FHIT: variants seen among roughly 807,000 people sequenced by gnomAD.
FHIT encodes the protein fragile histidine triad diadenosine triphosphatase, also known as bis(5'-adenosyl)-triphosphatase.
Under a neutral mutation model 17.9 loss-of-function variants are expected in FHIT, and 19 were observed. The ratio of observed to expected loss-of-function variants is 1.06; its 90% CI spans 0.74 to 1.56. FHIT has a LOEUF of 1.56. Among genes scored for constraint, FHIT ranks in the 40% most tolerant of loss-of-function variants. The probability of loss-of-function intolerance (pLI) is 0.00; values close to 1 mark genes in which losing one functional copy is unlikely to be tolerated. For synonymous variants in FHIT, 81 were observed against 69.7 expected, an observed-to-expected ratio of 1.16 and a Z score of -0.81; for missense variants, 248 against 189.2, an observed-to-expected ratio of 1.31 and a Z score of -1.82.
chr3:60,843,779 C>T (rs1161724739), intron 3 of FHIT, among the ~76,000 whole-genome samples: 1 of 152,124 alleles, frequency 6.6e-6, no homozygotes, highest in African/African-American at 2.4e-5. Flanking sequence ...ACGAGCACAC[C>T]ATGATAAGCA....
At chr3:61,088,675 C>T (rs565600006) in intron 2 of FHIT, among the ~76,000 whole-genome samples, 1 of 152,212 alleles carries the variant, frequency 6.6e-6, no homozygotes, top group Admixed American at 6.5e-5. Flanking sequence ...AGAAAATTTT[C>T]ATATTATGCA....
chr3:59,808,975 C>T (rs1700310130), intron 8 of FHIT, among the ~76,000 whole-genome samples: 1 of 152,104 alleles, frequency 6.6e-6, no homozygotes, highest in South Asian at 2.1e-4. Context: ...CCCACGGTGA[C>T]TGAAGTATCA....
rs866473538 is a variant in FHIT at position 61,106,862 on chromosome 3, T to A, written c.-163-64763A>T. ...TTTTAGTAGAGATAGGGTTTCATCA[T>A]ATCGGACAGGCTGGTCTCAAACTCC... is the stretch of plus-strand genomic sequence containing the variant. On this transcript the variant is annotated intron_variant, in intron 2 of 9. Coordinates refer to ENST00000492590, the MANE Select transcript of FHIT (RefSeq NM_002012.4). Among the ~76,000 whole-genome samples the A allele has an allele frequency of 2.6e-5, 4 of 152,256 alleles. No homozygotes were observed. The Middle Eastern group carries it at 0.01, about 388-fold the overall frequency.
intron 5 of FHIT, among the ~76,000 whole-genome samples, chr3:60,061,321 G>C (rs1374282788): frequency 2.6e-5 from 4 of 152,224 alleles, no homozygotes; most frequent in African/African-American, 9.6e-5. Context: ...CTCCAACCTT[G>C]AGTCCACAAC....
chr3:60,030,123 T>C (rs930703209), intron 5 of FHIT, among the ~76,000 whole-genome samples: 3 of 152,162 alleles, frequency 2.0e-5, no homozygotes, highest in African/African-American at 7.2e-5. Context: ...AATGCATCAT[T>C]AAACCTGGCT....
In FHIT at chr3:60,363,765, C is replaced by CT. The variant is rs562952467; in HGVS notation, c.103+173094_103+173095insA. ...AACAAGCTTCCCTGGCCCCCCTGGC[C>CT]CCCCTGGCTTCAGTGAGTTTGTGTG... On this transcript the variant is annotated intron_variant, in intron 5 of 9. Coordinates refer to ENST00000492590, the MANE Select transcript of FHIT (RefSeq NM_002012.4). Among the ~76,000 whole-genome samples the CT allele has an allele frequency of 6.2e-3, 948 of 152,248 alleles. 7 individuals are homozygous for CT. The highest frequency in any genetic ancestry group is 0.017 in the Middle Eastern group (5 of 294).
chr3:59,939,247 AC>A (rs1220946982), intron 7 of FHIT, among the ~76,000 whole-genome samples: 1 of 152,112 alleles, frequency 6.6e-6, no homozygotes, highest in Non-Finnish European at 1.5e-5. Context: ...TGCTGGCCAA[AC>A]TTTTTCAGTG....
chr3:60,622,245 C>A (rs1368400303), intron 4 of FHIT, among the ~76,000 whole-genome samples: 1 of 152,166 alleles, frequency 6.6e-6, no homozygotes, highest in African/African-American at 2.4e-5. Context: ...CCGAAAAGAT[C>A]ATCTGTGACC....
intron 8 of FHIT, among the ~76,000 whole-genome samples, chr3:59,790,337 C>T (rs1211810820): frequency 6.6e-6 from 1 of 152,148 alleles, no homozygotes; most frequent in African/African-American, 2.4e-5. Flanking sequence ...ACACGGTGCA[C>T]TGAGTCAAGA....
At chr3:61,184,626 C>T (rs1056627587) in intron 2 of FHIT, among the ~76,000 whole-genome samples, 1 of 152,126 alleles carries the variant, frequency 6.6e-6, no homozygotes, top group Non-Finnish European at 1.5e-5. Flanking sequence ...ATTCTAAGTG[C>T]CAGGGCAAGT....
chr3:60,280,279 T>C (rs947540475), intron 5 of FHIT, among the ~76,000 whole-genome samples: 3 of 152,098 alleles, frequency 2.0e-5, no homozygotes, highest in African/African-American at 7.2e-5. Context: ...TCATACTCAA[T>C]GGAGAGAAAC....
intron 3 of FHIT, among the ~76,000 whole-genome samples, chr3:61,018,857 T>C (rs1444193969): frequency 6.6e-6 from 1 of 152,188 alleles, no homozygotes; most frequent in Non-Finnish European, 1.5e-5. Context: ...ACTATTTCCA[T>C]TGTCCCCTAG....
chr3:60,491,302 TAC>T (rs1431665858), intron 5 of FHIT, among the ~76,000 whole-genome samples: 1 of 152,072 alleles, frequency 6.6e-6, no homozygotes, highest in African/African-American at 2.4e-5. Flanking sequence ...CCCACTCCCT[TAC>T]ACACATACTA....
At chr3:60,507,686 G>C (rs2034789713) in intron 5 of FHIT, among the ~76,000 whole-genome samples, 1 of 151,968 alleles carries the variant, frequency 6.6e-6, no homozygotes, top group Non-Finnish European at 1.5e-5. Context: ...TCCACCCTCT[G>C]ATAAGCCCCA....
At chr3:61,145,896 A>G (rs879604242) in intron 2 of FHIT, among the ~76,000 whole-genome samples, 1 of 152,070 alleles carries the variant, frequency 6.6e-6, no homozygotes, top group Non-Finnish European at 1.5e-5. Context: ...TAGTAGTTCC[A>G]ATAGTTTTTT....
chr3:60,053,182 T>C lies in FHIT; in HGVS notation c.104-39030A>G, dbSNP rs576296532. 7.9e-5 allele frequency among the ~76,000 whole-genome samples: 12 copies of C among 151,940 alleles called. No homozygotes were observed. The South Asian group carries it at 8.3e-4, about 11-fold the overall frequency. On this transcript the variant is annotated intron_variant, in intron 5 of 9. Coordinates refer to ENST00000492590, the MANE Select transcript of FHIT (RefSeq NM_002012.4). ...GGTTGGTTTCTTCTCTTCTTTCAAA[T>C]ACCAGTTTAGATGTCACCTCCATAG...
chr3:61,060,088 C>T (rs1285300196), intron 2 of FHIT, among the ~76,000 whole-genome samples: 1 of 152,142 alleles, frequency 6.6e-6, no homozygotes, highest in Non-Finnish European at 1.5e-5. Context: ...CTGGGACATG[C>T]TGCAGCCATC....
At chr3:60,032,327 G>T (rs575825561) in intron 5 of FHIT, among the ~76,000 whole-genome samples, 1 of 151,956 alleles carries the variant, frequency 6.6e-6, no homozygotes, top group Non-Finnish European at 1.5e-5. Context: ...TGGCGTGCAC[G>T]TGTGGTCTCA....
At chr3:61,166,210 A>G (rs2037833188) in intron 2 of FHIT, among the ~76,000 whole-genome samples, 1 of 152,246 alleles carries the variant, frequency 6.6e-6, no homozygotes, top group South Asian at 2.1e-4. Flanking sequence ...CACACATGCT[A>G]TCTGATCTTC....
Sources: allele counts gnomAD v4.1 joint callset (sites outside exome capture counted in the v4.1 genomes callset), GRCh38; gene constraint gnomAD v4.1.1; transcripts MANE v1.5; gene names NCBI Gene and HGNC (gene_info 2026-07-23, HGNC 2026-07-21).